Variants in COCH observed in about 807,000 individuals in gnomAD.
COCH encodes coagulation factor C homolog, cochlin (Limulus polyphemus).
A neutral mutation model predicts 54.8 loss-of-function variants in COCH; 40 were observed. The observed-to-expected ratio is 0.73, with a 90% CI of 0.57 to 0.95. COCH has a LOEUF of 0.95. Among genes scored for constraint, COCH ranks in the 40% least tolerant of loss-of-function variants. The probability of loss-of-function intolerance (pLI) is 0.00; values close to 1 mark genes in which losing one functional copy is unlikely to be tolerated. For missense variants in COCH, 605 were observed against 675.0 expected (o/e 0.90, Z 1.15); for synonymous variants, 256 against 237.9 (o/e 1.08, Z -0.70).
downstream of COCH, chr14:30,894,917 A>AT: frequency 2.7e-6 from 3 of 1,107,084 alleles, no homozygotes; most frequent in Non-Finnish European, 3.5e-6. Context: ...TTAAAGCAAA[A>AT]TAAGTTTAAA....
chr14:30,884,510 C>T (rs758450127), intron 8 of COCH, 43 bp from the exon 9 acceptor site: 40 of 1,378,808 alleles, frequency 2.9e-5, no homozygotes, highest in Non-Finnish European at 3.7e-5. Flanking sequence ...CTTATTTTAC[C>T]TTTTTAATTC....
At chr14:30,884,012 C>A (rs1399192421) in intron 8 of COCH, among the ~76,000 whole-genome samples, 1 of 152,180 alleles carries the variant, frequency 6.6e-6, no homozygotes, top group Non-Finnish European at 1.5e-5. Context: ...TACTTAGAGC[C>A]TCTGGGGTCC....
intron 8 of COCH, among the ~76,000 whole-genome samples, chr14:30,881,590 C>T (rs1338660977): frequency 2.0e-5 from 3 of 152,156 alleles, no homozygotes; most frequent in Admixed American, 6.5e-5. Flanking sequence ...TTCTGTTATT[C>T]TTTTTAGCTC....
chr14:30,895,053 C>CCAAAAA (rs1566420751), downstream of COCH: 2 of 26,542 alleles, frequency 7.5e-5, no homozygotes, highest in Non-Finnish European at 1.2e-4. Context: ...ACACAGAGTC[C>CCAAAAA]AAAAAAAAAA....
In COCH at chr14:30,885,323, T is replaced by C. The variant is rs970695261; in HGVS notation, c.734-71T>C. ...AATTCTTAAACTTTGCAGCATCAAA[T>C]GCTACAGGGAAACAGAAATGTGGTT... On this transcript the variant is annotated intron_variant, in intron 9 of 11. Transcript: ENST00000396618. 11 of 1,315,998 alleles carry C rather than the reference T, an allele frequency of 8.4e-6. No individual in the cohort carries two copies. The African/African-American group carries it at 1.2e-4, about 14-fold the overall frequency. The allele number at this position is 1,315,998 out of a possible 1,614,324, so 81.5% of individuals were successfully genotyped here.
chr14:30,880,434 G>A lies in COCH; in HGVS notation c.437-18G>A. 1 of 1,613,438 alleles carries A rather than the reference G, an allele frequency of 6.2e-7. No individual in the cohort carries two copies. Among genetic ancestry groups the A allele is most frequent in the Non-Finnish European group, 8.5e-7 (1 of 1,179,628 alleles). On this transcript the variant is annotated intron_variant, in intron 6 of 11. Coordinates refer to ENST00000396618, the MANE Select transcript of COCH (RefSeq NM_004086.3). ...ACTGTCTTCCTTTTGTTAATGCCAAGTGCATCTTTTATTTCAGGTAAACGA... is the reference window on the plus strand; with the variant it reads ...ACTGTCTTCCTTTTGTTAATGCCAAATGCATCTTTTATTTCAGGTAAACGA...
chr14:30,880,124 G>A (rs2138849481), intron 6 of COCH, among the ~76,000 whole-genome samples: 1 of 152,278 alleles, frequency 6.6e-6, no homozygotes, highest in East Asian at 1.9e-4. Flanking sequence ...GTAAGAAATA[G>A]CCAGGGATCC....
intron 10 of COCH, 51 bp from the exon 11 acceptor site, chr14:30,885,745 A>C: frequency 6.2e-7 from 1 of 1,607,582 alleles, no homozygotes; most frequent in Non-Finnish European, 8.5e-7. Flanking sequence ...GTTTTTAAGA[A>C]GAAACAACTT....
chr14:30,890,778 C>T (rs1895955893), downstream of COCH, among the ~76,000 whole-genome samples: 1 of 152,054 alleles, frequency 6.6e-6, no homozygotes, highest in Admixed American at 6.6e-5. Context: ...TGGCTCATGC[C>T]TGTAATCCCA....
At chr14:30,888,381 A>G (rs1895863735) in intron 11 of COCH, among the ~76,000 whole-genome samples, 1 of 152,226 alleles carries the variant, frequency 6.6e-6, no homozygotes, top group African/African-American at 2.4e-5. Flanking sequence ...GTATACCACT[A>G]GAAGGGGAAT....
Position 30,880,010 on chromosome 14 carries a change from G to A in COCH, c.437-442G>A, listed in dbSNP as rs543463113. 3.3e-5 allele frequency among the ~76,000 whole-genome samples: 5 copies of A among 152,082 alleles called. No homozygotes were observed. In the South Asian group the frequency reaches 6.2e-4, roughly 19 times the overall value. On this transcript the variant is annotated intron_variant, in intron 6 of 11. Transcript: ENST00000396618. ...TTTTCTCCCAGATTTGATAAACCAC[G>A]CCTAAGAACTGGTCAAAGTACCATG...
At chr14:30,890,971 C>T (rs1488858289), downstream of COCH, among the ~76,000 whole-genome samples, 1 of 151,684 alleles carries the variant, frequency 6.6e-6, no homozygotes, top group Admixed American at 6.6e-5. Flanking sequence ...CCGAGGAGGT[C>T]AAGGCTACAG....
chr14:30,892,628 T>C (rs531730853), downstream of COCH, among the ~76,000 whole-genome samples: 1 of 152,214 alleles, frequency 6.6e-6, no homozygotes, highest in South Asian at 2.1e-4. Flanking sequence ...ACCAACATGG[T>C]AAAGCCCTGT....
chr14:30,884,107 T>C (rs1414033049), intron 8 of COCH, among the ~76,000 whole-genome samples: 1 of 152,198 alleles, frequency 6.6e-6, no homozygotes, highest in Non-Finnish European at 1.5e-5. Flanking sequence ...GGACTTCTGT[T>C]AAACCCGAGG....
chr14:30,889,737 T>C lies in COCH; in HGVS notation c.1599T>C (p.Ile533=), dbSNP rs975129233. ...GAGAGTTCACAGGATTAGAACCAAT[T>C]GTTTCTGATGTCATCAGAGGCATTT... is the stretch of plus-strand genomic sequence containing the variant. The part of the protein sequence containing the change: ...FTREFTGLEP[I]VSDVIRGICR... Residue 533 remains isoleucine (I), a synonymous_variant, in exon 12 of 12, where the codon ATT becomes ATC. Transcript: ENST00000396618. The C allele has an allele frequency of 1.2e-6, 2 of 1,613,454 alleles. No homozygotes were observed. The highest frequency in any genetic ancestry group is 2.7e-5 in the African/African-American group (2 of 74,920).
chr14:30,895,159 TA>T, downstream of COCH: 1 of 364,606 alleles, frequency 2.7e-6, no homozygotes, highest in Non-Finnish European at 4.8e-6. Context: ...AAAACAGATA[TA>T]CGCTCAGTTC....
chr14:30,884,820 A>G, intron 9 of COCH, 164 bp downstream of exon 9: 3 of 1,400,506 alleles, frequency 2.1e-6, no homozygotes, highest in Non-Finnish European at 2.9e-6. Context: ...TTTTCAATTT[A>G]TAATGGAAGT....
intron 6 of COCH, 129 bp downstream of exon 6, chr14:30,879,614 G>A (rs1389943259): frequency 1.1e-6 from 1 of 870,708 alleles, no homozygotes. Flanking sequence ...AATACCTTAA[G>A]TTTACTGGTA....
At position 30,886,166 on chromosome 14, in the gene COCH, C is replaced by G. The variant is rs1302443744; in HGVS notation, c.1331C>G (p.Thr444Arg). ...AACATCCGCTATATGAGTGGTGGAA[C>G]AGCTACTGGTGATGCCATTTCCTTC... ...IRNIRYMSGGTATGDAISFTV... is the reference protein window; with the variant it reads ...IRNIRYMSGGRATGDAISFTV... The change falls in exon 11 of 12, where the codon ACA (threonine) becomes AGA (arginine). Residue 444 changes from threonine to arginine, a missense_variant. Coordinates refer to ENST00000396618, the MANE Select transcript of COCH (RefSeq NM_004086.3). The G allele has an allele frequency of 6.2e-7, 1 of 1,610,678 alleles. No individual in the cohort carries two copies. The highest frequency in any genetic ancestry group is 1.3e-5 in the African/African-American group (1 of 74,798).
Sources: gnomAD v4.1 joint callset for allele counts (sites outside exome capture counted in the v4.1 genomes callset) on GRCh38, gnomAD v4.1.1 for gene constraint, MANE v1.5 for transcripts, NCBI Gene and HGNC (gene_info 2026-07-23, HGNC 2026-07-21) for gene names.